The following PCDHGA7 variants were observed in gnomAD, a reference collection of about 807,000 sequenced individuals.
The protein encoded by PCDHGA7 is protocadherin gamma-A7.
In PCDHGA7, 44 loss-of-function variants were observed where a neutral mutation model predicts 58.3. The observed-to-expected ratio is 0.75, with a 90% CI of 0.59 to 0.97. The LOEUF (loss-of-function observed/expected upper bound fraction) is 0.97. PCDHGA7 is among the 50% of genes least tolerant of loss of function. The pLI, the probability that PCDHGA7 is intolerant of heterozygous loss-of-function variation, is 0.00. For synonymous variants in PCDHGA7, 516 were observed against 504.2 expected, an observed-to-expected ratio of 1.02 and a Z score of -0.31; for missense variants, 1,266 against 1,188.7, an observed-to-expected ratio of 1.06 and a Z score of -0.96.
At chr5:141,433,060 C>T in intron 1 of PCDHGA7, 1 of 1,614,198 alleles carries the variant, frequency 6.2e-7, no homozygotes, top group Non-Finnish European at 8.5e-7. Flanking sequence ...GGAAGAGTCA[C>T]CTGATCTTCC....
rs911461762 is a variant in PCDHGA7 at position 141,512,938 on chromosome 5, T to C, written c.*1765T>C. The stretch of plus-strand genomic sequence containing the variant: ...ACTCTAATATTTATATGGCTTTTTT[T>C]CTTCGACAAAAAAATAATAAAACGT... On this transcript the variant is annotated 3_prime_UTR_variant, in exon 4 of 4. Coordinates refer to ENST00000518325, the MANE Select transcript of PCDHGA7 (RefSeq NM_018920.4). 6.6e-6 allele frequency: 1 copy of C among 151,928 alleles called. No homozygotes were observed. Among genetic ancestry groups the C allele is most frequent in the Non-Finnish European group, 1.5e-5 (1 of 67,934 alleles). The allele number at this position is 151,928 out of a possible 1,614,324, so 9.4% of individuals were successfully genotyped here.
intron 1 of PCDHGA7, among the ~76,000 whole-genome samples, chr5:141,483,575 A>G (rs1165739266): frequency 6.6e-6 from 1 of 152,194 alleles, no homozygotes; most frequent in Non-Finnish European, 1.5e-5. Flanking sequence ...GAATTCTGGC[A>G]TAAACACCTA....
intron 1 of PCDHGA7, among the ~76,000 whole-genome samples, chr5:141,406,193 C>T (rs2094777569): frequency 1.3e-5 from 2 of 151,820 alleles, no homozygotes. Flanking sequence ...CCACCTCAGC[C>T]TTCACAGTAG....
At chr5:141,462,996 G>A (rs2099050826) in intron 1 of PCDHGA7, among the ~76,000 whole-genome samples, 1 of 152,082 alleles carries the variant, frequency 6.6e-6, no homozygotes, top group South Asian at 2.1e-4. Flanking sequence ...GGCTAATTTA[G>A]ACCTACCACT....
At chr5:141,439,668 A>C (rs944454917) in intron 1 of PCDHGA7, among the ~76,000 whole-genome samples, 1 of 152,230 alleles carries the variant, frequency 6.6e-6, no homozygotes, top group Non-Finnish European at 1.5e-5. Context: ...CATGGAATGC[A>C]AATCCAAGAG....
At chr5:141,437,930 G>A (rs142381129) in intron 1 of PCDHGA7, among the ~76,000 whole-genome samples, 2,019 of 152,152 alleles carry the variant, frequency 0.013, 16 homozygotes, top group Middle Eastern at 0.034. Context: ...TAGAGATGGG[G>A]TTTCACCATA....
intron 1 of PCDHGA7, among the ~76,000 whole-genome samples, chr5:141,468,000 C>G (rs1429450909): frequency 6.6e-6 from 1 of 152,028 alleles, no homozygotes; most frequent in East Asian, 1.9e-4. Flanking sequence ...ATTCTTTCTT[C>G]CTCTGTTATA....
intron 1 of PCDHGA7, chr5:141,395,210 A>T (rs200048432): frequency 1.9e-6 from 3 of 1,613,418 alleles, no homozygotes; most frequent in Non-Finnish European, 2.5e-6. Context: ...ATTTTCATGA[A>T]TATAAGAATG....
intron 1 of PCDHGA7, among the ~76,000 whole-genome samples, chr5:141,475,097 T>C (rs180692931): frequency 6.6e-6 from 1 of 152,370 alleles, no homozygotes; most frequent in East Asian, 1.9e-4. Context: ...TTTATAAAGA[T>C]CCTAGGTGGT....
chr5:141,448,756 C>T (rs938202200), intron 1 of PCDHGA7, among the ~76,000 whole-genome samples: 1 of 151,742 alleles, frequency 6.6e-6, no homozygotes, highest in African/African-American at 2.4e-5. Context: ...CTGGCTAACA[C>T]GGTGAAACCC....
intron 1 of PCDHGA7, among the ~76,000 whole-genome samples, chr5:141,438,626 A>G (rs1309857700): frequency 2.3e-5 from 1 of 43,566 alleles, no homozygotes; most frequent in Non-Finnish European, 3.7e-5. Flanking sequence ...ATATATATAT[A>G]TATATATATA....
intron 1 of PCDHGA7, among the ~76,000 whole-genome samples, chr5:141,474,464 T>C (rs373468290): frequency 6.6e-6 from 1 of 152,252 alleles, no homozygotes; most frequent in African/African-American, 2.4e-5. Context: ...CTATACTCTT[T>C]ATTCTAAATT....
At chr5:141,479,685 G>C (rs749895405) in intron 1 of PCDHGA7, 2 of 152,130 alleles carry the variant, frequency 1.3e-5, no homozygotes, top group Non-Finnish European at 2.9e-5. Context: ...AGTCTTTTTG[G>C]TGCCTCCAGT....
chr5:141,469,704 C>T (rs1038504640), intron 1 of PCDHGA7, among the ~76,000 whole-genome samples: 9 of 152,340 alleles, frequency 5.9e-5, no homozygotes, highest in African/African-American at 1.9e-4. Flanking sequence ...ACCTAGTAAT[C>T]ACACTATTAG....
At position 141,491,150 on chromosome 5, in the gene PCDHGA7, A is replaced by G; in HGVS notation, c.2425-3657A>G. On this transcript the variant is annotated intron_variant, in intron 1 of 3. Coordinates refer to ENST00000518325, the MANE Select transcript of PCDHGA7 (RefSeq NM_018920.4). This position sits in a 1 kb window ranked among gnomAD's most constrained non-coding sequence, Gnocchi z 6.9. ...CGCACAGCCCGGGCCTTACTGGAGG[A>G]TGACTCTGACACCCAGCAGGTGGTG... is the stretch of plus-strand genomic sequence containing the variant. 1 of 1,614,122 alleles carries G rather than the reference A, an allele frequency of 6.2e-7. No individual in the cohort carries two copies. Among genetic ancestry groups the G allele is most frequent in the African/African-American group, 1.3e-5 (1 of 75,060 alleles).
At chr5:141,502,203 C>G (rs1562205141) in intron 2 of PCDHGA7, among the ~76,000 whole-genome samples, 1 of 152,122 alleles carries the variant, frequency 6.6e-6, no homozygotes. Context: ...ATAGAATCCA[C>G]CAGCAGATTT....
chr5:141,407,505 T>TTTTTTTTTTTTTTTTTTTTTTG (rs1460306566), intron 1 of PCDHGA7, among the ~76,000 whole-genome samples: 3 of 152,144 alleles, frequency 2.0e-5, no homozygotes, highest in African/African-American at 4.8e-5. Flanking sequence ...CTGTTTTTCT[T>TTTTTTTTTTTTTTTTTTTTTTG]AGGCTATGTA....
chr5:141,423,085 G>A, intron 1 of PCDHGA7: 1 of 1,614,072 alleles, frequency 6.2e-7, no homozygotes, highest in Non-Finnish European at 8.5e-7. Flanking sequence ...ACTCTTCGCG[G>A]TGGGGGAGCA....
chr5:141,490,565 T>C lies in PCDHGA7; in HGVS notation c.2425-4242T>C. ...CTACACAAACATCTCACCATCAGGC[T>C]CAACATTTCAGATGTCAATGACAAT... On this transcript the variant is annotated intron_variant, in intron 1 of 3. Coordinates refer to ENST00000518325, the MANE Select transcript of PCDHGA7 (RefSeq NM_018920.4). This position sits in a 1 kb window ranked among gnomAD's most constrained non-coding sequence, Gnocchi z 5.4. 8 of 1,614,116 alleles carry C rather than the reference T, an allele frequency of 5.0e-6. No individual in the cohort carries two copies. Among genetic ancestry groups the C allele is most frequent in the Non-Finnish European group, 6.8e-6 (8 of 1,180,024 alleles).
Sources: allele counts gnomAD v4.1 joint callset (sites outside exome capture counted in the v4.1 genomes callset), GRCh38; gene constraint gnomAD v4.1.1; non-coding constraint Gnocchi (gnomAD v3.1); transcripts MANE v1.5; gene names NCBI Gene and HGNC (gene_info 2026-07-23, HGNC 2026-07-21).